Variants in GSG1L observed in about 807,000 individuals in gnomAD.
GSG1L encodes germ cell-specific gene 1-like protein.
Under a neutral mutation model 42.1 loss-of-function variants are expected in GSG1L, and 24 were observed. The observed-to-expected ratio is 0.57, with a 90% CI of 0.41 to 0.80. The LOEUF is 0.80. GSG1L is among the 30% of genes least tolerant of loss of function. The probability of loss-of-function intolerance (pLI) is 0.00; values close to 1 mark genes in which losing one functional copy is unlikely to be tolerated. For missense variants in GSG1L, 445 were observed against 472.2 expected, an observed-to-expected ratio of 0.94 and a Z score of 0.53; for synonymous variants, 215 against 203.5, an observed-to-expected ratio of 1.06 and a Z score of -0.48.
chr16:27,895,906 G>A lies in GSG1L; in HGVS notation c.398-11268C>T, dbSNP rs138676972. Among the ~76,000 whole-genome samples, 489 of 152,294 alleles carry A rather than the reference G, an allele frequency of 3.2e-3. 1 individual carries two copies. Among genetic ancestry groups the A allele is most frequent in the Middle Eastern group, 0.01 (3 of 294 alleles). On this transcript the variant is annotated intron_variant, in intron 2 of 6. Coordinates refer to ENST00000447459, the MANE Select transcript of GSG1L (RefSeq NM_001109763.2). ...TTCCGATGCCAATCGGCATGCTACC[G>A]TGGAAACACAGGCCTGGAGATGACT...
intron 2 of GSG1L, among the ~76,000 whole-genome samples, chr16:27,909,146 T>C (rs535403718): frequency 6.6e-6 from 1 of 152,254 alleles, no homozygotes; most frequent in East Asian, 1.9e-4. Context: ...ATGTAGTGTC[T>C]GGCACACAGC....
chr16:28,008,463 T>C (rs1192486669), intron 1 of GSG1L, among the ~76,000 whole-genome samples: 2 of 152,102 alleles, frequency 1.3e-5, no homozygotes, highest in Non-Finnish European at 2.9e-5. Context: ...TTAAGAGGGG[T>C]CCAGCATGAC....
intron 1 of GSG1L, among the ~76,000 whole-genome samples, chr16:28,014,211 G>T (rs1333537753): frequency 6.6e-6 from 1 of 152,230 alleles, no homozygotes; most frequent in Non-Finnish European, 1.5e-5. Flanking sequence ...CCTGGAGGAA[G>T]ATGACATTTG....
chr16:27,898,100 C>T (rs2084212331), intron 2 of GSG1L, among the ~76,000 whole-genome samples: 1 of 152,242 alleles, frequency 6.6e-6, no homozygotes, highest in Non-Finnish European at 1.5e-5. Context: ...ACGTCTCTGG[C>T]AGACGTGCCC....
chr16:28,005,519 A>G (rs1228701828), intron 1 of GSG1L, among the ~76,000 whole-genome samples: 1 of 152,154 alleles, frequency 6.6e-6, no homozygotes, highest in African/African-American at 2.4e-5. Flanking sequence ...GGGCTCACCC[A>G]AAGGGCTTCA....
At chr16:27,822,737 T>C (rs1388952660) in intron 5 of GSG1L, among the ~76,000 whole-genome samples, 1 of 152,120 alleles carries the variant, frequency 6.6e-6, no homozygotes, top group African/African-American at 2.4e-5. Flanking sequence ...TAATAATTAA[T>C]ACCGTAATTG....
intron 4 of GSG1L, among the ~76,000 whole-genome samples, chr16:27,829,294 C>T (rs531309027): frequency 3.9e-5 from 6 of 152,016 alleles, no homozygotes; most frequent in Admixed American, 6.6e-5. Context: ...GAGAGTTGGC[C>T]GGGGGAAAGG....
chr16:27,929,274 C>T (rs2084630556), intron 2 of GSG1L, among the ~76,000 whole-genome samples: 1 of 152,186 alleles, frequency 6.6e-6, no homozygotes, highest in Non-Finnish European at 1.5e-5. Flanking sequence ...GGAACTATGC[C>T]TCCCCAACCC....
At chr16:28,036,638 T>G (rs932640786) in intron 1 of GSG1L, among the ~76,000 whole-genome samples, 1 of 152,114 alleles carries the variant, frequency 6.6e-6, no homozygotes, top group African/African-American at 2.4e-5. Context: ...AAATGCAAAT[T>G]CTCAAATCCT....
intron 4 of GSG1L, among the ~76,000 whole-genome samples, chr16:27,844,043 A>G (rs2083416313): frequency 6.6e-6 from 1 of 152,188 alleles, no homozygotes; most frequent in African/African-American, 2.4e-5. Flanking sequence ...AGAGGAAGAG[A>G]ACTCAGCCCT....
At chr16:27,857,643 A>G (rs1207954433) in intron 3 of GSG1L, among the ~76,000 whole-genome samples, 1 of 152,018 alleles carries the variant, frequency 6.6e-6, no homozygotes, top group Non-Finnish European at 1.5e-5. Context: ...GGGGAAGCCT[A>G]TCTTAATTTC....
intron 1 of GSG1L, among the ~76,000 whole-genome samples, chr16:27,964,795 C>G (rs908274723): frequency 1.3e-5 from 2 of 151,848 alleles, no homozygotes; most frequent in Non-Finnish European, 2.9e-5. Context: ...GGGGATTGGG[C>G]GGGGAGCAGT....
chr16:27,853,454 A>G (rs1285261957), intron 3 of GSG1L, among the ~76,000 whole-genome samples: 1 of 152,102 alleles, frequency 6.6e-6, no homozygotes, highest in Non-Finnish European at 1.5e-5. Flanking sequence ...AATTTAAGCT[A>G]ATTTCTTGCT....
intron 2 of GSG1L, among the ~76,000 whole-genome samples, chr16:27,953,468 G>C (rs1464924585): frequency 6.6e-6 from 1 of 152,146 alleles, no homozygotes; most frequent in African/African-American, 2.4e-5. Flanking sequence ...TTTAAGCAGC[G>C]CAGACTGGAG....
At chr16:27,834,345 T>C (rs1339598289) in intron 4 of GSG1L, among the ~76,000 whole-genome samples, 3 of 152,162 alleles carry the variant, frequency 2.0e-5, no homozygotes, top group Non-Finnish European at 4.4e-5. Flanking sequence ...CTATGTGCTA[T>C]TGTTTTGCTA....
rs1442938006 is a variant in GSG1L at position 27,845,103 on chromosome 16, A to G, written c.551-42T>C. The G allele has an allele frequency of 2.9e-6, 4 of 1,388,940 alleles. No individual in the cohort carries two copies. In the African/African-American group the frequency reaches 4.3e-5, roughly 15 times the overall value. 86.0% of individuals were successfully genotyped at this position (1,388,940 alleles called of 1,614,324 possible). On this transcript the variant is annotated intron_variant, in intron 3 of 6. Transcript: ENST00000447459. Reference sequence around the variant, plus strand: ...AGAGCAAAGCGTCAGGAAGTAAGGAAGGGCTTTGTCCCCACACACCCACAG... The same window carrying G: ...AGAGCAAAGCGTCAGGAAGTAAGGAGGGGCTTTGTCCCCACACACCCACAG...
intron 3 of GSG1L, among the ~76,000 whole-genome samples, chr16:27,862,519 G>A (rs2083666703): frequency 6.6e-6 from 1 of 152,264 alleles, no homozygotes; most frequent in African/African-American, 2.4e-5. Context: ...GCTAAGAAAT[G>A]TGTGTTGTTT....
intron 2 of GSG1L, among the ~76,000 whole-genome samples, chr16:27,935,238 C>T (rs974475248): frequency 2.6e-5 from 4 of 152,156 alleles, no homozygotes; most frequent in Non-Finnish European, 4.4e-5. Flanking sequence ...GGAATGGCTG[C>T]TGAGAGAGGT....
chr16:27,938,279 G>T (rs2084742617), intron 2 of GSG1L, among the ~76,000 whole-genome samples: 1 of 151,948 alleles, frequency 6.6e-6, no homozygotes, highest in Admixed American at 6.6e-5. Flanking sequence ...AGCTACTTGG[G>T]AGGCAGAGGC....
Sources: gnomAD v4.1 joint callset for allele counts (sites outside exome capture counted in the v4.1 genomes callset) on GRCh38, gnomAD v4.1.1 for gene constraint, MANE v1.5 for transcripts, NCBI Gene and HGNC (gene_info 2026-07-23, HGNC 2026-07-21) for gene names.